Variants in ABCD3 observed in about 807,000 individuals in gnomAD.
ABCD3 encodes the protein ATP binding cassette subfamily D member 3, also known as ATP-binding cassette sub-family D member 3.
In ABCD3, 41 loss-of-function variants were observed where a neutral mutation model predicts 105.5. That is an observed-to-expected ratio of 0.39 (90% CI 0.30 to 0.50). The LOEUF (loss-of-function observed/expected upper bound fraction) is 0.50, where lower values mean the gene tolerates loss of function less well. Among genes scored for constraint, ABCD3 ranks in the 20% least tolerant of loss-of-function variants. The pLI, the probability that ABCD3 is intolerant of heterozygous loss-of-function variation, is 0.84. For synonymous variants in ABCD3, 258 were observed against 269.0 expected (o/e 0.96, Z 0.40); for missense variants, 622 against 806.3 (o/e 0.77, Z 2.77).
At chr1:94,440,900 G>C (rs770345233) in intron 1 of ABCD3, among the ~76,000 whole-genome samples, 28 of 152,244 alleles carry the variant, frequency 1.8e-4, no homozygotes, top group African/African-American at 6.5e-4. Flanking sequence ...CTAGAATAAA[G>C]ATAGAATTTT....
At chr1:94,461,303 G>A (rs763623951) in intron 2 of ABCD3, among the ~76,000 whole-genome samples, 1 of 151,898 alleles carries the variant, frequency 6.6e-6, no homozygotes, top group Non-Finnish European at 1.5e-5. Context: ...AGATAGGGTG[G>A]GGAGAGGCAA....
the ABCD3 span, among the ~76,000 whole-genome samples, chr1:94,390,317 T>C: frequency 6.6e-6 from 1 of 152,126 alleles, no homozygotes; most frequent in Admixed American, 6.5e-5. Context: ...TTATTTATTT[T>C]TGTGAGACAG....
intron 1 of ABCD3, among the ~76,000 whole-genome samples, chr1:94,450,867 T>G (rs1280485346): frequency 6.6e-6 from 1 of 152,192 alleles, no homozygotes; most frequent in Non-Finnish European, 1.5e-5. Context: ...TAACATGGGT[T>G]TCACTTTTTT....
At chr1:94,406,179 C>A in the ABCD3 span, among the ~76,000 whole-genome samples, 1 of 150,448 alleles carries the variant, frequency 6.6e-6, no homozygotes, top group East Asian at 1.9e-4. Context: ...AAAAAAAAAA[C>A]AACTATATTT....
chr1:94,479,032 C>T (rs1157115350), intron 8 of ABCD3, among the ~76,000 whole-genome samples: 1 of 152,138 alleles, frequency 6.6e-6, no homozygotes. Context: ...GGTTGTTTTA[C>T]ATATGTGTAT....
chr1:94,402,367 C>T, the ABCD3 span, among the ~76,000 whole-genome samples: 2 of 152,084 alleles, frequency 1.3e-5, no homozygotes, highest in Non-Finnish European at 2.9e-5. Flanking sequence ...CACTCATGTG[C>T]CCTTTATTCA....
At chr1:94,419,158 G>A (rs1235394636) in intron 1 of ABCD3, 1 of 380,236 alleles carries the variant, frequency 2.6e-6, no homozygotes, top group Non-Finnish European at 3.6e-6. Flanking sequence ...CCACTTGGCA[G>A]GATTGCCGTC....
chr1:94,407,197 C>T, the ABCD3 span, among the ~76,000 whole-genome samples: 1 of 152,126 alleles, frequency 6.6e-6, no homozygotes, highest in Non-Finnish European at 1.5e-5. Context: ...ACTGCCCAGG[C>T]TAGAGTGCAA....
chr1:94,434,185 T>G (rs754528518), intron 1 of ABCD3, among the ~76,000 whole-genome samples: 1 of 152,070 alleles, frequency 6.6e-6, no homozygotes, highest in Non-Finnish European at 1.5e-5. Flanking sequence ...TTAAAAAAAA[T>G]TTTTTAGTTT....
intron 1 of ABCD3, among the ~76,000 whole-genome samples, chr1:94,451,236 T>A (rs1250050812): frequency 6.6e-6 from 1 of 152,204 alleles, no homozygotes; most frequent in Non-Finnish European, 1.5e-5. Context: ...AAATGCCAAC[T>A]GAAATCTTGG....
chr1:94,418,464 G>C lies in ABCD3; in HGVS notation c.-15G>C. ...CGCCGCGTCCCCTCGCCGGCTCGCT[G>C]GTACCGGCAGTGCCATGGCGGCCTT... On this transcript the variant is annotated 5_prime_UTR_variant, in exon 1 of 23. Coordinates refer to ENST00000370214, the MANE Select transcript of ABCD3 (RefSeq NM_002858.4). 1.3e-6 allele frequency: 2 copies of C among 1,587,652 alleles called. No homozygotes were observed. Among genetic ancestry groups the C allele is most frequent in the Non-Finnish European group, 1.7e-6 (2 of 1,171,728 alleles).
At chr1:94,476,887 TTC>T (rs150786188) in intron 7 of ABCD3, among the ~76,000 whole-genome samples, 3 of 151,142 alleles carry the variant, frequency 2.0e-5, no homozygotes, top group African/African-American at 2.4e-5. Flanking sequence ...TTCTCTCTCT[TTC>T]TCTCTCTCTC....
At chr1:94,387,713 T>G in the ABCD3 span, among the ~76,000 whole-genome samples, 2 of 152,192 alleles carry the variant, frequency 1.3e-5, no homozygotes, top group Admixed American at 1.3e-4. Flanking sequence ...TGAAAGTTGT[T>G]AAGTAAACAT....
intron 1 of ABCD3, among the ~76,000 whole-genome samples, chr1:94,450,770 C>T (rs969133053): frequency 5.9e-5 from 9 of 152,160 alleles, no homozygotes; most frequent in African/African-American, 9.7e-5. Context: ...AGGGTCTCCA[C>T]GACTGAGCTA....
intron 2 of ABCD3, among the ~76,000 whole-genome samples, chr1:94,463,369 G>T (rs1647970883): frequency 6.6e-6 from 1 of 152,162 alleles, no homozygotes; most frequent in Non-Finnish European, 1.5e-5. Flanking sequence ...TAAAGCCTTA[G>T]CACAGTGTCT....
At chr1:94,472,164 T>G in intron 4 of ABCD3, 1 of 929,982 alleles carries the variant, frequency 1.1e-6, no homozygotes, top group Non-Finnish European at 1.3e-6. Flanking sequence ...TTAATTATTT[T>G]TTTTGCAGTG....
Position 94,454,164 on chromosome 1 carries a change from G to A in ABCD3, c.111-4443G>A, listed in dbSNP as rs527943714. Among the ~76,000 whole-genome samples, 13 of 152,132 alleles carry A rather than the reference G, an allele frequency of 8.5e-5. No homozygotes were observed. In the South Asian group the frequency reaches 2.7e-3, roughly 32 times the overall value. The stretch of plus-strand genomic sequence containing the variant: ...ACAGAAACTAATGATAACGAACTCA[G>A]AAAACAAGTGAGAATATTATAATAG... On this transcript the variant is annotated intron_variant, in intron 1 of 22. Coordinates refer to ENST00000370214, the MANE Select transcript of ABCD3 (RefSeq NM_002858.4).
chr1:94,422,267 A>G (rs538802865), intron 1 of ABCD3, among the ~76,000 whole-genome samples: 2 of 152,280 alleles, frequency 1.3e-5, no homozygotes, highest in Admixed American at 6.5e-5. Flanking sequence ...GAGCATTACC[A>G]CTTGAGCTCC....
intron 1 of ABCD3, chr1:94,432,456 CTGGAGATATT>C: frequency 6.6e-6 from 1 of 152,190 alleles, no homozygotes; most frequent in Non-Finnish European, 1.5e-5. Context: ...GGAGACGAAG[CTGGAGATATT>C]ACTATAAATA....
Sources: allele counts gnomAD v4.1 joint callset (sites outside exome capture counted in the v4.1 genomes callset), GRCh38; gene constraint gnomAD v4.1.1; transcripts MANE v1.5; gene names NCBI Gene and HGNC (gene_info 2026-07-23, HGNC 2026-07-21).